Variants in LYN observed in about 807,000 individuals in gnomAD.
LYN encodes the protein LYN proto-oncogene, Src family tyrosine kinase, also known as tyrosine-protein kinase Lyn.
A neutral mutation model predicts 65.0 loss-of-function variants in LYN; 12 were observed. The observed-to-expected ratio is 0.18, with a 90% CI of 0.12 to 0.30. The LOEUF (loss-of-function observed/expected upper bound fraction) is 0.30. Ranked by LOEUF, LYN falls within the 10% of genes least tolerant of loss-of-function variation. The probability of loss-of-function intolerance (pLI) is 1.00; values close to 1 mark genes in which losing one functional copy is unlikely to be tolerated. For synonymous variants in LYN, 222 were observed against 221.2 expected (o/e 1.00, Z -0.03); for missense variants, 380 against 623.2 (o/e 0.61, Z 4.16).
chr8:55,949,183 G>A (rs16922464), intron 4 of LYN, among the ~76,000 whole-genome samples: 12,873 of 152,210 alleles, frequency 0.085, 1,149 homozygotes, highest in African/African-American at 0.23. Flanking sequence ...ATAACTAGAT[G>A]TTTGAACAAA....
At chr8:55,987,375 C>G (rs374933722) in intron 10 of LYN, among the ~76,000 whole-genome samples, 1 of 151,316 alleles carries the variant, frequency 6.6e-6, no homozygotes, top group African/African-American at 2.4e-5. Context: ...GCACTACACT[C>G]CAGCTTGGGC....
rs184786545 is a variant in LYN, at chr8:55,924,773, A to G, written c.-5-17082A>G. Among the ~76,000 whole-genome samples the G allele has an allele frequency of 9.2e-5, 14 of 152,288 alleles. No individual in the cohort carries two copies. The East Asian group carries it at 2.5e-3, about 27-fold the overall frequency. On this transcript the variant is annotated intron_variant, in intron 1 of 12. Transcript: ENST00000519728. Reference sequence around the variant, plus strand: ...TACAGTGACTCTCCAGTTCACTTCTAGTATCATATACTGCAGATATGTCAC... The same window carrying G: ...TACAGTGACTCTCCAGTTCACTTCTGGTATCATATACTGCAGATATGTCAC...
At chr8:55,924,470 C>A (rs578060714) in intron 1 of LYN, among the ~76,000 whole-genome samples, 22 of 151,864 alleles carry the variant, frequency 1.4e-4, no homozygotes, top group African/African-American at 5.1e-4. Context: ...TCAAGTAATT[C>A]TCCTGCCTCA....
At chr8:55,888,071 C>T (rs1482997484) in intron 1 of LYN, among the ~76,000 whole-genome samples, 2 of 152,148 alleles carry the variant, frequency 1.3e-5, no homozygotes, top group South Asian at 2.1e-4. Flanking sequence ...AGAGCTGATG[C>T]GCTGTAAATG....
chr8:55,963,474 T>C (rs1368701739), intron 8 of LYN, among the ~76,000 whole-genome samples: 1 of 152,198 alleles, frequency 6.6e-6, no homozygotes, highest in Non-Finnish European at 1.5e-5. Flanking sequence ...TTGGATGTTG[T>C]CACAGAAGCT....
At chr8:55,965,785 TG>T (rs1266086714) in intron 8 of LYN, among the ~76,000 whole-genome samples, 4 of 152,200 alleles carry the variant, frequency 2.6e-5, no homozygotes, top group African/African-American at 4.8e-5. Context: ...AGTTTTGTTT[TG>T]TTTTTTTTGG....
chr8:55,880,081 C>T lies in LYN; in HGVS notation c.-28C>T. 1 of 312,224 alleles carries T rather than the reference C, an allele frequency of 3.2e-6. No homozygotes were observed. Among genetic ancestry groups the T allele is most frequent in the South Asian group, 2.3e-5 (1 of 43,114 alleles). The allele number at this position is 312,224 out of a possible 1,614,324, so 19.3% of individuals were successfully genotyped here. A position where few individuals can be genotyped will look rare whatever the true frequency, so the allele number is the denominator to read the frequency against. ...TCAAGTCACCGTGGAGCTCCGCCGCCCCGAAACTTTCACCGCGAGCGGGTG... is the reference window on the plus strand; with the variant it reads ...TCAAGTCACCGTGGAGCTCCGCCGCTCCGAAACTTTCACCGCGAGCGGGTG... On this transcript the variant is annotated 5_prime_UTR_variant, in exon 1 of 13. Coordinates refer to ENST00000519728, the MANE Select transcript of LYN (RefSeq NM_002350.4).
intron 9 of LYN, among the ~76,000 whole-genome samples, chr8:55,968,666 G>T (rs568079797): frequency 2.0e-5 from 3 of 152,312 alleles, no homozygotes; most frequent in South Asian, 4.1e-4. Context: ...AAGTACTATT[G>T]TTCTGTGTCA....
intron 1 of LYN, among the ~76,000 whole-genome samples, chr8:55,903,048 C>T (rs1486486118): frequency 6.6e-6 from 1 of 152,198 alleles, no homozygotes; most frequent in Non-Finnish European, 1.5e-5. Context: ...AGGGTTTCAC[C>T]ATATCGGCCA....
At chr8:55,976,354 A>C (rs1172069621) in intron 10 of LYN, among the ~76,000 whole-genome samples, 7 of 150,364 alleles carry the variant, frequency 4.7e-5, no homozygotes, top group African/African-American at 1.7e-4. Context: ...AGAAGGAAGG[A>C]AGGAAGGAAA....
At chr8:55,962,586 T>C (rs1010063493) in intron 8 of LYN, among the ~76,000 whole-genome samples, 1 of 152,206 alleles carries the variant, frequency 6.6e-6, no homozygotes, top group African/African-American at 2.4e-5. Flanking sequence ...CATATGGTAT[T>C]GGTGAGATGC....
At chr8:55,900,885 C>A (rs1805241828) in intron 1 of LYN, among the ~76,000 whole-genome samples, 1 of 152,024 alleles carries the variant, frequency 6.6e-6, no homozygotes, top group Non-Finnish European at 1.5e-5. Context: ...AATGCTGCCA[C>A]AAAATCTTAG....
intron 7 of LYN, among the ~76,000 whole-genome samples, chr8:55,952,453 G>A (rs144599823): frequency 0.028 from 4,246 of 152,168 alleles, 204 homozygotes; most frequent in African/African-American, 0.097. Flanking sequence ...CCAGCTACTC[G>A]GGAGGCTGAG....
chr8:55,946,897 T>C (rs1332612757), intron 3 of LYN, among the ~76,000 whole-genome samples: 1 of 152,250 alleles, frequency 6.6e-6, no homozygotes, highest in Non-Finnish European at 1.5e-5. Context: ...GGTTCATCCA[T>C]GCTGTAGAAA....
At chr8:55,948,175 T>C (rs1806840357) in intron 4 of LYN, among the ~76,000 whole-genome samples, 2 of 152,136 alleles carry the variant, frequency 1.3e-5, no homozygotes, top group African/African-American at 4.8e-5. Context: ...GATCTTGTTA[T>C]GTTGCCCAGG....
rs201842406 is a variant in LYN, at chr8:55,966,695, G to C, written c.791-20G>C. ...ATTTTCTGTTTTATAAAGCATGCCC[G>C]CCTTCTTTTTTCTTCCTAGGTTACT... On this transcript the variant is annotated intron_variant, in intron 8 of 12. Transcript: ENST00000519728. 5.6e-6 allele frequency: 9 copies of C among 1,606,668 alleles called. No homozygotes were observed. The South Asian group carries it at 6.6e-5, about 12-fold the overall frequency.
At chr8:55,972,339 C>T (rs1420015240) in intron 10 of LYN, among the ~76,000 whole-genome samples, 1 of 152,168 alleles carries the variant, frequency 6.6e-6, no homozygotes, top group Non-Finnish European at 1.5e-5. Context: ...CTCAAGGTGG[C>T]GCTGGTGAGA....
rs146037177 is a variant in LYN, at chr8:55,890,000, G to A, written c.-6+9897G>A. 4.3e-3 allele frequency among the ~76,000 whole-genome samples: 656 copies of A among 151,908 alleles called. 7 individuals carry two copies. The highest frequency in any genetic ancestry group is 0.015 in the African/African-American group (622 of 41,422). On this transcript the variant is annotated intron_variant, in intron 1 of 12. Coordinates refer to ENST00000519728, the MANE Select transcript of LYN (RefSeq NM_002350.4). ...TTATCAAAAGCAAGTTGCTTAGCTG[G>A]GTGAAGTGGCTCATGCCTATAATCC...
chr8:55,984,301 A>T (rs150067081), intron 10 of LYN, among the ~76,000 whole-genome samples: 1 of 152,316 alleles, frequency 6.6e-6, no homozygotes, highest in East Asian at 1.9e-4. Context: ...CGAAGCTTCT[A>T]GCTCAGCCCA....
Sources: allele counts gnomAD v4.1 joint callset (sites outside exome capture counted in the v4.1 genomes callset), GRCh38; gene constraint gnomAD v4.1.1; transcripts MANE v1.5; gene names NCBI Gene and HGNC (gene_info 2026-07-23, HGNC 2026-07-21).